The following PATL2 variants were observed in gnomAD, a reference collection of about 807,000 sequenced individuals.
The protein encoded by PATL2 is protein PAT1 homolog 2.
Under a neutral mutation model 77.0 loss-of-function variants are expected in PATL2, and 73 were observed. The ratio of observed to expected loss-of-function variants is 0.95; its 90% CI spans 0.78 to 1.15. The LOEUF (loss-of-function observed/expected upper bound fraction) is 1.15. Among genes scored for constraint, PATL2 ranks in the 50% most tolerant of loss-of-function variants. PATL2 has a pLI of 0.00. For missense variants in PATL2, 618 were observed against 655.4 expected (o/e 0.94, Z 0.62); for synonymous variants, 265 against 257.1 (o/e 1.03, Z -0.29).
chr15:44,701,047 C>T (rs1224138593), intron 3 of PATL2, among the ~76,000 whole-genome samples: 1 of 151,076 alleles, frequency 6.6e-6, no homozygotes, highest in Non-Finnish European at 1.5e-5. Flanking sequence ...GCCCTTCATT[C>T]TGTTGATATG....
At chr15:44,679,779 G>A (rs1214896166) in intron 3 of PATL2, among the ~76,000 whole-genome samples, 1 of 152,024 alleles carries the variant, frequency 6.6e-6, no homozygotes, top group African/African-American at 2.4e-5. Flanking sequence ...TCTTTTTAAA[G>A]AACCATGTAT....
chr15:44,680,989 C>T (rs189058337), intron 3 of PATL2, among the ~76,000 whole-genome samples: 1 of 152,294 alleles, frequency 6.6e-6, no homozygotes, highest in East Asian at 1.9e-4. Flanking sequence ...ACTAGTTACT[C>T]CGCAGAGACT....
In PATL2 at chr15:44,672,932, G is replaced by A. The variant is rs553391569; in HGVS notation, c.446+303C>T. ...TCGCCACCACGCCTAGCTAATTTTT[G>A]TATATTTAGTGGAGACACAGTTTCA... On this transcript the variant is annotated intron_variant, in intron 7 of 17. Coordinates refer to ENST00000682850, the MANE Select transcript of PATL2 (RefSeq NM_001387263.1). Among the ~76,000 whole-genome samples the A allele has an allele frequency of 6.6e-5, 10 of 152,134 alleles. No individual in the cohort carries two copies. The East Asian group carries it at 1.4e-3, about 21-fold the overall frequency.
At chr15:44,677,245 T>A (rs1199399367) in intron 3 of PATL2, among the ~76,000 whole-genome samples, 3 of 152,116 alleles carry the variant, frequency 2.0e-5, no homozygotes, top group Non-Finnish European at 4.4e-5. Flanking sequence ...AAGTCCTGGG[T>A]AGATCCTGGG....
chr15:44,668,574 C>G, intron 14 of PATL2, 92 bp from the exon 15 acceptor site: 1 of 1,456,954 alleles, frequency 6.9e-7, no homozygotes, highest in Non-Finnish European at 9.2e-7. Flanking sequence ...GCTGACCTGT[C>G]TTTGGCACGT....
chr15:44,676,877 T>C, intron 3 of PATL2: 1 of 1,083,092 alleles, frequency 9.2e-7, no homozygotes, highest in Admixed American at 4.8e-5. Flanking sequence ...ACCTGACTGT[T>C]GCTGTCCTTT....
chr15:44,696,662 G>A (rs1361229206), intron 3 of PATL2, among the ~76,000 whole-genome samples: 3 of 151,954 alleles, frequency 2.0e-5, no homozygotes, highest in South Asian at 4.1e-4. Flanking sequence ...CGCCTCATAT[G>A]GATCCTGGGA....
At chr15:44,676,938 G>A (rs2085989615) in intron 3 of PATL2, 7 of 1,008,890 alleles carry the variant, frequency 6.9e-6, no homozygotes, top group Non-Finnish European at 8.3e-6. Flanking sequence ...TGCCGCTCCT[G>A]GCTTTAAAAG....
chr15:44,698,217 C>T (rs931346171), intron 3 of PATL2, among the ~76,000 whole-genome samples: 6 of 151,790 alleles, frequency 4.0e-5, no homozygotes, highest in African/African-American at 1.5e-4. Context: ...GTATCCCTTA[C>T]CCCAAGCATT....
intron 16 of PATL2, 59 bp downstream of exon 16, chr15:44,667,047 G>T: frequency 1.5e-6 from 2 of 1,299,274 alleles, no homozygotes; most frequent in South Asian, 1.3e-5. Flanking sequence ...ACTTCACCTG[G>T]CTCAGTCTGC....
intron 11 of PATL2, 52 bp downstream of exon 11, chr15:44,669,724 AG>A: frequency 1.3e-6 from 2 of 1,538,026 alleles, no homozygotes; most frequent in Non-Finnish European, 8.8e-7. Flanking sequence ...AGAATGTTCT[AG>A]ACCCTTCTTC....
At chr15:44,672,869 C>T (rs1274326169) in intron 7 of PATL2, among the ~76,000 whole-genome samples, 1 of 152,190 alleles carries the variant, frequency 6.6e-6, no homozygotes, top group African/African-American at 2.4e-5. Context: ...AAGTGATTTT[C>T]CTGCCTCAGC....
chr15:44,696,733 AT>A (rs1214752782), intron 3 of PATL2, among the ~76,000 whole-genome samples: 2 of 151,934 alleles, frequency 1.3e-5, no homozygotes, highest in Non-Finnish European at 2.9e-5. Context: ...TAAAAAAAAA[AT>A]CTCCCTCTTT....
chr15:44,690,104 G>A (rs1279853824), intron 3 of PATL2, among the ~76,000 whole-genome samples: 3 of 152,040 alleles, frequency 2.0e-5, no homozygotes, highest in African/African-American at 4.8e-5. Context: ...CAGGAGAATC[G>A]CTTGAACATG....
intron 3 of PATL2, among the ~76,000 whole-genome samples, chr15:44,685,230 CA>C (rs1456675469): frequency 1.3e-5 from 2 of 152,186 alleles, no homozygotes; most frequent in Non-Finnish European, 2.9e-5. Flanking sequence ...ATGACAGGAT[CA>C]AATTCACACA....
chr15:44,667,909 C>T (rs1053554545), intron 15 of PATL2, among the ~76,000 whole-genome samples: 1 of 152,124 alleles, frequency 6.6e-6, no homozygotes, highest in Non-Finnish European at 1.5e-5. Flanking sequence ...TGCCACTGTA[C>T]TCCAGCCTGG....
chr15:44,702,810 T>C (rs1469865991), intron 3 of PATL2, among the ~76,000 whole-genome samples: 3 of 152,108 alleles, frequency 2.0e-5, no homozygotes, highest in Non-Finnish European at 4.4e-5. Flanking sequence ...ACATTCCTCT[T>C]GTTATTGATT....
chr15:44,702,704 G>A (rs1302790353), intron 3 of PATL2, among the ~76,000 whole-genome samples: 1 of 151,792 alleles, frequency 6.6e-6, no homozygotes, highest in Non-Finnish European at 1.5e-5. Flanking sequence ...ATTATCATTT[G>A]TTTCCAGAAT....
At chr15:44,698,165 A>G (rs1319853841) in intron 3 of PATL2, among the ~76,000 whole-genome samples, 1 of 151,308 alleles carries the variant, frequency 6.6e-6, no homozygotes, top group Non-Finnish European at 1.5e-5. Flanking sequence ...AGTGTATGAG[A>G]TATTTTGATA....
Sources: allele counts gnomAD v4.1 joint callset (sites outside exome capture counted in the v4.1 genomes callset), GRCh38; gene constraint gnomAD v4.1.1; transcripts MANE v1.5; gene names NCBI Gene and HGNC (gene_info 2026-07-23, HGNC 2026-07-21).